Variants in PLCL2 observed in about 807,000 individuals in gnomAD.
The protein encoded by PLCL2 is phospholipase C like 2.
In PLCL2, 4 loss-of-function variants were observed where a neutral mutation model predicts 79.6. That is an observed-to-expected ratio of 0.05 (90% CI 0.02 to 0.11). PLCL2 has a LOEUF of 0.11. Ranked by LOEUF, PLCL2 falls within the 10% of genes least tolerant of loss-of-function variation. The probability of loss-of-function intolerance (pLI) is 1.00; values close to 1 mark genes in which losing one functional copy is unlikely to be tolerated. For synonymous variants in PLCL2, 484 were observed against 457.7 expected, an observed-to-expected ratio of 1.06 and a Z score of -0.73; for missense variants, 895 against 1,291.0, an observed-to-expected ratio of 0.69 and a Z score of 4.70.
chr3:16,970,038 TTA>T lies in PLCL2; in HGVS notation c.328-39616_328-39615del, dbSNP rs71266500. Among the ~76,000 whole-genome samples the T allele has an allele frequency of 7.8e-4, 106 of 135,854 alleles. 1 individual carries two copies. Among genetic ancestry groups the T allele is most frequent in the Middle Eastern group, 3.6e-3 (1 of 274 alleles). The allele number at this position is 135,854 out of a possible 152,430, so 89.1% of individuals were successfully genotyped here. A position where few individuals can be genotyped will look rare whatever the true frequency, so the allele number is the denominator to read the frequency against. On this transcript the variant is annotated intron_variant, in intron 1 of 5. Transcript: ENST00000615277. Reference sequence around the variant, plus strand: ...TTTGAATGATTGTCTTGGCTTTGATTTATATATATATATATATATATTTTATT... The same window carrying T: ...TTTGAATGATTGTCTTGGCTTTGATTTATATATATATATATATATTTTATT...
At chr3:17,041,239 A>G (rs1028298827) in intron 3 of PLCL2, among the ~76,000 whole-genome samples, 1 of 152,232 alleles carries the variant, frequency 6.6e-6, no homozygotes, top group African/African-American at 2.4e-5. Flanking sequence ...ATCTTGAAGA[A>G]TGAATGTGAA....
At chr3:16,946,137 T>C (rs1379025606) in intron 1 of PLCL2, among the ~76,000 whole-genome samples, 1 of 152,012 alleles carries the variant, frequency 6.6e-6, no homozygotes, top group African/African-American at 2.4e-5. Context: ...TTTGTGGAAA[T>C]AGAAAGACTT....
At chr3:16,916,656 TG>T (rs1697002689) in intron 1 of PLCL2, among the ~76,000 whole-genome samples, 1 of 152,226 alleles carries the variant, frequency 6.6e-6, no homozygotes, top group Non-Finnish European at 1.5e-5. Flanking sequence ...CTTCATATAA[TG>T]CTATGATCTT....
At chr3:17,026,261 A>G (rs1395034320) in intron 3 of PLCL2, among the ~76,000 whole-genome samples, 1 of 152,206 alleles carries the variant, frequency 6.6e-6, no homozygotes, top group East Asian at 1.9e-4. Context: ...GGTAGACAAC[A>G]TGATGTGTTA....
In PLCL2 at chr3:16,890,810, C is replaced by CA. The variant is rs529056442; in HGVS notation, c.327+5447dup. ...CTTAGCATGAGTGTCGTTTGTGACT[C>CA]AAACTGAAGTCAGAGCCGCTAGAGC... On this transcript the variant is annotated intron_variant, in intron 1 of 5. Transcript: ENST00000615277. Among the ~76,000 whole-genome samples, 260 of 152,310 alleles carry CA rather than the reference C, an allele frequency of 1.7e-3. 1 individual carries two copies. Among genetic ancestry groups the CA allele is most frequent in the Non-Finnish European group, 2.5e-3 (167 of 68,020 alleles).
intron 1 of PLCL2, among the ~76,000 whole-genome samples, chr3:16,935,759 T>C (rs932217323): frequency 1.3e-5 from 2 of 152,142 alleles, no homozygotes; most frequent in South Asian, 2.1e-4. Context: ...CTAATACTTA[T>C]ACCTGGGCAA....
At chr3:16,995,739 T>C (rs1370588152) in intron 1 of PLCL2, among the ~76,000 whole-genome samples, 2 of 152,254 alleles carry the variant, frequency 1.3e-5, no homozygotes, top group African/African-American at 4.8e-5. Flanking sequence ...TTTTTTGTGA[T>C]GTATTAGACA....
At chr3:16,889,251 G>A (rs903335499) in intron 1 of PLCL2, among the ~76,000 whole-genome samples, 2 of 152,130 alleles carry the variant, frequency 1.3e-5, no homozygotes, top group African/African-American at 2.4e-5. Flanking sequence ...TGCCCCAGGT[G>A]CTGGAGCTAC....
At chr3:17,013,237 G>C (rs1301583877) in intron 2 of PLCL2, among the ~76,000 whole-genome samples, 1 of 152,224 alleles carries the variant, frequency 6.6e-6, no homozygotes, top group African/African-American at 2.4e-5. Flanking sequence ...TTGAGGATTT[G>C]TCAGAGCTCA....
Position 17,039,821 on chromosome 3 carries a change from C to T in PLCL2, c.3019-3053C>T, listed in dbSNP as rs1041537447. Among the ~76,000 whole-genome samples the T allele has an allele frequency of 2.0e-5, 3 of 152,118 alleles. No homozygotes were observed. In the South Asian group the frequency reaches 6.2e-4, roughly 32 times the overall value. ...GTGTTCTCCACCCTGAAGTATTAGT[C>T]ATCTTCATATTTTATATACTACTCA... On this transcript the variant is annotated intron_variant, in intron 3 of 5. Transcript: ENST00000615277.
chr3:16,966,651 T>C (rs2063809649), intron 1 of PLCL2, among the ~76,000 whole-genome samples: 1 of 151,678 alleles, frequency 6.6e-6, no homozygotes, highest in Admixed American at 6.6e-5. Context: ...GTCCTGGACT[T>C]TTTTTTTGGT....
intron 5 of PLCL2, among the ~76,000 whole-genome samples, chr3:17,079,596 C>T (rs951765748): frequency 6.6e-6 from 1 of 152,186 alleles, no homozygotes; most frequent in Non-Finnish European, 1.5e-5. Flanking sequence ...GGCCTGCCGC[C>T]GTCCTTTCCT....
chr3:16,969,290 T>A (rs1166453423), intron 1 of PLCL2, among the ~76,000 whole-genome samples: 1 of 152,124 alleles, frequency 6.6e-6, no homozygotes, highest in Non-Finnish European at 1.5e-5. Flanking sequence ...TCCTCCTCAG[T>A]TTTTTGTAAT....
rs192871131 is a variant in PLCL2, at chr3:17,057,873, A to G, written c.3095-10083A>G. The stretch of plus-strand genomic sequence containing the variant: ...AGCTGAATTGAATACAGAATGCCGC[A>G]TATTTATTTGTTCAACAAACGAGCT... On this transcript the variant is annotated intron_variant, in intron 4 of 5. Coordinates refer to ENST00000615277, the MANE Select transcript of PLCL2 (RefSeq NM_001144382.2). 2.0e-3 allele frequency among the ~76,000 whole-genome samples: 311 copies of G among 152,314 alleles called. 1 individual carries two copies. The highest frequency in any genetic ancestry group is 5.8e-3 in the African/African-American group (239 of 41,558).
At chr3:16,973,016 C>T (rs2063889297) in intron 1 of PLCL2, among the ~76,000 whole-genome samples, 1 of 152,058 alleles carries the variant, frequency 6.6e-6, no homozygotes, top group Non-Finnish European at 1.5e-5. Flanking sequence ...CAGATTTGAT[C>T]CTGTCATCAT....
intron 1 of PLCL2, among the ~76,000 whole-genome samples, chr3:17,006,773 T>G (rs7616589): frequency 6.6e-6 from 1 of 152,148 alleles, no homozygotes; most frequent in Non-Finnish European, 1.5e-5. Flanking sequence ...AGCATGGCAA[T>G]GTTCTTAAAG....
At chr3:16,966,834 G>T (rs1305153760) in intron 1 of PLCL2, among the ~76,000 whole-genome samples, 2 of 151,858 alleles carry the variant, frequency 1.3e-5, no homozygotes, top group African/African-American at 4.8e-5. Context: ...AAGTTCAGAG[G>T]TCACGGGAGT....
intron 1 of PLCL2, among the ~76,000 whole-genome samples, chr3:16,892,797 T>C (rs1008926615): frequency 6.6e-6 from 1 of 152,096 alleles, no homozygotes; most frequent in Non-Finnish European, 1.5e-5. Context: ...ACATTATCAT[T>C]CCCCTTACAG....
intron 1 of PLCL2, among the ~76,000 whole-genome samples, chr3:16,990,860 A>T (rs2064098068): frequency 6.6e-6 from 1 of 152,224 alleles, no homozygotes; most frequent in Admixed American, 6.5e-5. Context: ...AGGAATTATT[A>T]CAGGTAGTGG....
Sources: gnomAD v4.1 joint callset for allele counts (sites outside exome capture counted in the v4.1 genomes callset) on GRCh38, gnomAD v4.1.1 for gene constraint, MANE v1.5 for transcripts, NCBI Gene and HGNC (gene_info 2026-07-23, HGNC 2026-07-21) for gene names.